The following OTOGL variants were observed in gnomAD, a reference collection of about 807,000 sequenced individuals.
The protein encoded by OTOGL is otogelin-like protein.
A neutral mutation model predicts 318.5 loss-of-function variants in OTOGL; 285 were observed. The observed-to-expected ratio is 0.89, with a 90% CI of 0.81 to 0.99. The LOEUF (loss-of-function observed/expected upper bound fraction) is 0.99, where lower values mean the gene tolerates loss of function less well. OTOGL is among the 50% of genes least tolerant of loss of function. The pLI is 0.00. For missense variants in OTOGL, 2,899 were observed against 2,845.6 expected (o/e 1.02, Z -0.43); for synonymous variants, 987 against 936.5 (o/e 1.05, Z -0.99).
chr12:80,362,985 GTC>G (rs1257197747), intron 52 of OTOGL, among the ~76,000 whole-genome samples: 2 of 152,030 alleles, frequency 1.3e-5, no homozygotes, highest in African/African-American at 4.8e-5. Context: ...TAGAGACAGA[GTC>G]TGTCTCTGTT....
intron 11 of OTOGL, among the ~76,000 whole-genome samples, chr12:80,242,646 G>T (rs1480450898): frequency 6.6e-6 from 1 of 152,022 alleles, no homozygotes; most frequent in Non-Finnish European, 1.5e-5. Context: ...ATAGTGTATT[G>T]AATTCAATTC....
rs558453504 is a variant in OTOGL, at chr12:80,198,365, T to A, written c.-19-11048T>A. ...CATTTGGGGGGCCGAGGCAGGCGGA[T>A]CATGAGGTCAGGAGATTGAGACCAT... is the stretch of plus-strand genomic sequence containing the variant. On this transcript the variant is annotated intron_variant, in intron 1 of 58. Coordinates refer to ENST00000547103, the MANE Select transcript of OTOGL (RefSeq NM_001378609.3). 1.2e-4 allele frequency among the ~76,000 whole-genome samples: 19 copies of A among 152,226 alleles called. No homozygotes were observed. In the East Asian group the frequency reaches 3.5e-3, roughly 28 times the overall value.
intron 26 of OTOGL, 34 bp downstream of exon 26, chr12:80,279,200 G>T (rs369824609): frequency 1.9e-6 from 3 of 1,551,964 alleles, no homozygotes; most frequent in South Asian, 1.2e-5. Flanking sequence ...ATTTGCATTC[G>T]TGTAAAGATT....
intron 26 of OTOGL, among the ~76,000 whole-genome samples, chr12:80,291,014 C>G (rs905112354): frequency 6.6e-6 from 1 of 152,158 alleles, no homozygotes; most frequent in Non-Finnish European, 1.5e-5. Flanking sequence ...TCCTGTTACT[C>G]TCATTTTCTT....
At position 80,308,560 on chromosome 12, in the gene OTOGL, G is replaced by C. The variant is rs969430423; in HGVS notation, c.3334-2051G>C. Among the ~76,000 whole-genome samples the C allele has an allele frequency of 6.9e-4, 105 of 152,206 alleles. 1 individual carries two copies. Among genetic ancestry groups the C allele is most frequent in the African/African-American group, 2.4e-3 (99 of 41,540 alleles). ...CGGAGACGCTCCTCACTTCCCAGAC[G>C]GGGTGGCGGCCGGGCAGAGGCTGCA... On this transcript the variant is annotated intron_variant, in intron 29 of 58. Transcript: ENST00000547103.
chr12:80,344,066 TG>T (rs1463451327), intron 44 of OTOGL, among the ~76,000 whole-genome samples: 4 of 152,164 alleles, frequency 2.6e-5, no homozygotes, highest in Non-Finnish European at 5.9e-5. Context: ...TATGAAGTCA[TG>T]GGATAAAAAT....
At chr12:80,280,761 T>C (rs1055630473) in intron 26 of OTOGL, among the ~76,000 whole-genome samples, 5 of 151,956 alleles carry the variant, frequency 3.3e-5, no homozygotes, top group Non-Finnish European at 5.9e-5. Flanking sequence ...AGGAATGGCA[T>C]TGAATTTGTA....
At chr12:80,224,999 C>G (rs1878696632) in intron 7 of OTOGL, among the ~76,000 whole-genome samples, 1 of 151,918 alleles carries the variant, frequency 6.6e-6, no homozygotes, top group Admixed American at 6.6e-5. Context: ...CAAAACATCT[C>G]CTGTACCCCA....
chr12:80,101,235 G>T (rs1221470177), intron 1 of OTOGL, among the ~76,000 whole-genome samples: 1 of 152,216 alleles, frequency 6.6e-6, no homozygotes, highest in Non-Finnish European at 1.5e-5. Context: ...TTCCGCAAGA[G>T]TTCAAATACA....
At chr12:80,336,775 G>A in intron 40 of OTOGL, 22 bp from the exon 41 acceptor site, 1 of 1,493,098 alleles carries the variant, frequency 6.7e-7, no homozygotes, top group Non-Finnish European at 9.1e-7. Flanking sequence ...GCATTTAAAA[G>A]TATTTCTTTT....
intron 1 of OTOGL, among the ~76,000 whole-genome samples, chr12:80,155,881 T>G (rs1183769702): frequency 6.6e-6 from 1 of 152,254 alleles, no homozygotes; most frequent in Non-Finnish European, 1.5e-5. Flanking sequence ...TTTGTCTTTC[T>G]GTGCCTGGCT....
At chr12:80,116,789 C>A (rs1870192382) in intron 1 of OTOGL, among the ~76,000 whole-genome samples, 1 of 152,148 alleles carries the variant, frequency 6.6e-6, no homozygotes, top group Non-Finnish European at 1.5e-5. Flanking sequence ...ACTCTTAATC[C>A]TCTCCTTCCA....
At chr12:80,248,493 C>A (rs1308706752) in intron 11 of OTOGL, among the ~76,000 whole-genome samples, 4 of 137,952 alleles carry the variant, frequency 2.9e-5, no homozygotes, top group Non-Finnish European at 6.1e-5. Context: ...AATATTGGCC[C>A]CCACTCTCTT....
At chr12:80,290,247 T>C (rs138561295) in intron 26 of OTOGL, among the ~76,000 whole-genome samples, 1 of 152,010 alleles carries the variant, frequency 6.6e-6, no homozygotes, top group Non-Finnish European at 1.5e-5. Flanking sequence ...CCTAGAGAGA[T>C]GAACTGGGTA....
chr12:80,128,178 C>T (rs1802609010), intron 1 of OTOGL, among the ~76,000 whole-genome samples: 1 of 152,104 alleles, frequency 6.6e-6, no homozygotes, highest in Non-Finnish European at 1.5e-5. Context: ...GTTTTATCTA[C>T]CTTTTGTCTT....
Position 80,318,720 on chromosome 12 carries a change from A to T in OTOGL, c.3802+7A>T. On this transcript the variant is annotated splice_region_variant and intron_variant, in intron 33 of 58. Coordinates refer to ENST00000547103, the MANE Select transcript of OTOGL (RefSeq NM_001378609.3). Reference sequence around the variant, plus strand: ...TTCAAAGAGAAGGTATCATGTAAGTATAATTGAAAATAAGAGTTTAGCTTT... The same window carrying T: ...TTCAAAGAGAAGGTATCATGTAAGTTTAATTGAAAATAAGAGTTTAGCTTT... 2 of 1,224,948 alleles carry T rather than the reference A, an allele frequency of 1.6e-6. No homozygotes were observed. Among genetic ancestry groups the T allele is most frequent in the Non-Finnish European group, 2.1e-6 (2 of 959,846 alleles). 75.9% of individuals were successfully genotyped at this position (1,224,948 alleles called of 1,614,324 possible).
intron 26 of OTOGL, among the ~76,000 whole-genome samples, chr12:80,293,611 C>T (rs1313151549): frequency 6.6e-6 from 1 of 151,564 alleles, no homozygotes; most frequent in Non-Finnish European, 1.5e-5. Context: ...CTTTTCTCTA[C>T]TTTTTCGTCA....
Position 80,221,884 on chromosome 12 carries a change from A to T in OTOGL, c.335-207A>T, listed in dbSNP as rs576458948. The stretch of plus-strand genomic sequence containing the variant: ...ACTTTCTAACATAAATCTTTTCTTC[A>T]TAACTACTTGGAGACCCTGTTTTTC... On this transcript the variant is annotated intron_variant, in intron 6 of 58. Coordinates refer to ENST00000547103, the MANE Select transcript of OTOGL (RefSeq NM_001378609.3). Among the ~76,000 whole-genome samples, 3 of 152,332 alleles carry T rather than the reference A, an allele frequency of 2.0e-5. No individual in the cohort carries two copies. The East Asian group carries it at 5.8e-4, about 29-fold the overall frequency.
intron 1 of OTOGL, among the ~76,000 whole-genome samples, chr12:80,186,335 T>C (rs1875287739): frequency 6.6e-6 from 1 of 152,162 alleles, no homozygotes; most frequent in Non-Finnish European, 1.5e-5. Context: ...TAGCCGCGTC[T>C]CTCCCATCAG....
Sources: allele counts gnomAD v4.1 joint callset (sites outside exome capture counted in the v4.1 genomes callset), GRCh38; gene constraint gnomAD v4.1.1; transcripts MANE v1.5; gene names NCBI Gene and HGNC (gene_info 2026-07-23, HGNC 2026-07-21).